BICRA: variants seen among roughly 807,000 people sequenced by gnomAD.
BICRA encodes BRD4 interacting chromatin remodeling complex associated protein, also known as BRD4-interacting chromatin-remodeling complex-associated protein.
In BICRA, 31 loss-of-function variants were observed where a neutral mutation model predicts 96.9. The ratio of observed to expected loss-of-function variants is 0.32; its 90% CI spans 0.24 to 0.43. The LOEUF (loss-of-function observed/expected upper bound fraction) is 0.43, where lower values mean the gene tolerates loss of function less well. BICRA is among the 20% of genes least tolerant of loss of function. The probability of loss-of-function intolerance (pLI) is 1.00; values close to 1 mark genes in which losing one functional copy is unlikely to be tolerated. For missense variants in BICRA, 2,283 were observed against 2,190.3 expected (o/e 1.04, Z -0.84); for synonymous variants, 1,350 against 1,071.8 (o/e 1.26, Z -5.07).
chr19:47,633,791 G>A (rs1033391260), intron 1 of BICRA, among the ~76,000 whole-genome samples: 5 of 152,196 alleles, frequency 3.3e-5, no homozygotes, highest in Non-Finnish European at 7.3e-5. Context: ...GTGAGTCATC[G>A]GGTGACAAGC....
chr19:47,700,795 A>C (rs8109992), intron 14 of BICRA: 1,921 of 155,344 alleles, frequency 0.012, 26 homozygotes, highest in South Asian at 0.031. Flanking sequence ...CTGTCTCAAA[A>C]AAACAAACAA....
chr19:47,652,903 C>G (rs1972560297), intron 1 of BICRA, among the ~76,000 whole-genome samples: 2 of 151,896 alleles, frequency 1.3e-5, no homozygotes. Flanking sequence ...CTCCTTCACC[C>G]TTTTCTTAAG....
At chr19:47,612,435 TA>T (rs1971922470) in intron 1 of BICRA, among the ~76,000 whole-genome samples, 1 of 150,772 alleles carries the variant, frequency 6.6e-6, no homozygotes, top group Non-Finnish European at 1.5e-5. Context: ...ATAAATAAAA[TA>T]AAAAATGTAA....
At chr19:47,619,233 C>CA (rs1568546496) in intron 1 of BICRA, among the ~76,000 whole-genome samples, 1 of 136,406 alleles carries the variant, frequency 7.3e-6, no homozygotes, top group African/African-American at 2.8e-5. Context: ...TTCCCAACCC[C>CA]TTTTTTTTTT....
chr19:47,623,760 AG>A (rs1357587833), intron 1 of BICRA, among the ~76,000 whole-genome samples: 1 of 151,732 alleles, frequency 6.6e-6, no homozygotes, highest in Non-Finnish European at 1.5e-5. Flanking sequence ...GCTTGGGGGT[AG>A]GGTAAGAAAA....
At chr19:47,652,599 A>G (rs1021795388) in intron 1 of BICRA, among the ~76,000 whole-genome samples, 2 of 151,950 alleles carry the variant, frequency 1.3e-5, no homozygotes, top group African/African-American at 4.8e-5. Context: ...TCCTCTTACT[A>G]CTCGTGGCTT....
chr19:47,697,016 G>GA (rs908769685), intron 11 of BICRA, among the ~76,000 whole-genome samples: 3 of 150,622 alleles, frequency 2.0e-5, no homozygotes, highest in Non-Finnish European at 3.0e-5. Context: ...GTTTTAGGGG[G>GA]GGTTCTTTGA....
Position 47,680,642 on chromosome 19 carries a change from C to G in BICRA, c.1472C>G (p.Ala491Gly). Residue 491 changes from alanine to glycine, a missense_variant, in exon 6 of 15, where the codon GCC becomes GGC. Ala to Gly is a moderately conservative substitution (Grantham distance 60, BLOSUM62 0). Coordinates refer to ENST00000594866, the MANE Select transcript of BICRA (RefSeq NM_001394372.1). ...QLPQQLSALPANVGGQILAAA... is the reference protein window; with the variant it reads ...QLPQQLSALPGNVGGQILAAA... Reference sequence around the variant, plus strand: ...CCGCAGCAGCTCTCAGCCCTGCCGGCCAACGTGGGCGGGCAGATCCTGGCG... The same window carrying G: ...CCGCAGCAGCTCTCAGCCCTGCCGGGCAACGTGGGCGGGCAGATCCTGGCG... 1 of 1,609,446 alleles carries G rather than the reference C, an allele frequency of 6.2e-7. No homozygotes were observed.
chr19:47,653,812 ATGT>A (rs1972575193), intron 1 of BICRA, among the ~76,000 whole-genome samples: 1 of 152,088 alleles, frequency 6.6e-6, no homozygotes. Context: ...GGTGCTGCGG[ATGT>A]TCACAGGCCA....
At chr19:47,685,786 T>TGTGTGCGCGCGCGC in intron 7 of BICRA, among the ~76,000 whole-genome samples, 141 of 117,954 alleles carry the variant, frequency 1.2e-3, no homozygotes, top group East Asian at 5.9e-3. Context: ...TGTGTGTGTG[T>TGTGTGCGCGCGCGC]GCGCGCGCGC....
In BICRA at chr19:47,679,437, C is replaced by T. The variant is rs943510885; in HGVS notation, c.267C>T (p.Gly89=). ...TCCTGGGCTCTCCTGCGACAGGGGG[C>T]GGCGGCGGGGGCAGTGGGGGCGCTG... The part of the protein sequence containing the change: ...DDILGSPATG[G]GGGGSGGADQ... Residue 89 remains glycine (G), a synonymous_variant, in exon 6 of 15, where the codon GGC becomes GGT. Coordinates refer to ENST00000594866, the MANE Select transcript of BICRA (RefSeq NM_001394372.1). 15 of 1,490,912 alleles carry T rather than the reference C, an allele frequency of 1.0e-5. No individual in the cohort carries two copies. In the South Asian group the frequency reaches 1.1e-4, roughly 11 times the overall value. 92.4% of individuals were successfully genotyped at this position (1,490,912 alleles called of 1,614,324 possible).
intron 7 of BICRA, among the ~76,000 whole-genome samples, chr19:47,686,885 C>T (rs977016919): frequency 1.3e-5 from 2 of 152,182 alleles, no homozygotes; most frequent in Admixed American, 6.5e-5. Context: ...CTGCTTGCCT[C>T]TCTGTTGTAC....
rs147759243 is a variant in BICRA at position 47,642,487 on chromosome 19, G to A, written c.-107-27956G>A. 2.5e-3 allele frequency among the ~76,000 whole-genome samples: 387 copies of A among 152,242 alleles called. 3 individuals carry two copies. The highest frequency in any genetic ancestry group is 4.2e-3 in the Non-Finnish European group (287 of 68,022). ...AGACTGAGGCGAGAGGACTGCTTGTGCCCAGGAGTTTGAGATCAGCCTGGG... is the reference window on the plus strand; with the variant it reads ...AGACTGAGGCGAGAGGACTGCTTGTACCCAGGAGTTTGAGATCAGCCTGGG... On this transcript the variant is annotated intron_variant, in intron 1 of 14. Transcript: ENST00000594866.
chr19:47,693,637 G>A (rs971931105), intron 7 of BICRA, among the ~76,000 whole-genome samples: 10 of 152,238 alleles, frequency 6.6e-5, no homozygotes, highest in Non-Finnish European at 1.2e-4. Context: ...GGCTGGATGG[G>A]CTGGTGGGGG....
chr19:47,621,663 G>A (rs1972066872), intron 1 of BICRA, among the ~76,000 whole-genome samples: 1 of 151,290 alleles, frequency 6.6e-6, no homozygotes, highest in Admixed American at 6.6e-5. Flanking sequence ...TAGTAGAGAG[G>A]GGGTTTCACC....
chr19:47,680,268 G>T lies in BICRA; in HGVS notation c.1098G>T (p.Leu366=). Residue 366 remains leucine (L), a synonymous_variant, in exon 6 of 15, where the codon CTG becomes CTT. Coordinates refer to ENST00000594866, the MANE Select transcript of BICRA (RefSeq NM_001394372.1). ...AGVLPPKLYQ[L]TPKPFAPAGA... is the part of the protein sequence containing the mutation. ...TGCTGCCGCCCAAGCTCTACCAGCT[G>T]ACGCCCAAGCCGTTTGCGCCCGCGG... 6.4e-7 allele frequency: 1 copy of T among 1,560,676 alleles called. No homozygotes were observed. The highest frequency in any genetic ancestry group is 1.2e-5 in the South Asian group (1 of 86,074).
intron 1 of BICRA, among the ~76,000 whole-genome samples, chr19:47,632,642 A>T (rs1277827236): frequency 6.6e-6 from 1 of 152,148 alleles, no homozygotes; most frequent in Non-Finnish European, 1.5e-5. Context: ...TGAGGGGTCA[A>T]ATAATAGTAC....
intron 7 of BICRA, among the ~76,000 whole-genome samples, chr19:47,691,334 C>T (rs1973238347): frequency 1.3e-5 from 2 of 152,330 alleles, no homozygotes; most frequent in African/African-American, 2.4e-5. Flanking sequence ...GTCATATAAT[C>T]ACTTCTGCCA....
At chr19:47,626,950 G>A (rs180734792) in intron 1 of BICRA, among the ~76,000 whole-genome samples, 4 of 152,164 alleles carry the variant, frequency 2.6e-5, no homozygotes, top group Admixed American at 2.0e-4. Flanking sequence ...TTGAACTCCT[G>A]TCCTCAAGTG....
Sources: allele counts gnomAD v4.1 joint callset (sites outside exome capture counted in the v4.1 genomes callset), GRCh38; gene constraint gnomAD v4.1.1; transcripts MANE v1.5; gene names NCBI Gene and HGNC (gene_info 2026-07-23, HGNC 2026-07-21).